The following ARHGAP28 variants were observed in gnomAD, a reference collection of about 807,000 sequenced individuals.
ARHGAP28 encodes Rho GTPase activating protein 28.
In ARHGAP28, 56 loss-of-function variants were observed where a neutral mutation model predicts 90.7. That is an observed-to-expected ratio of 0.62 (90% CI 0.50 to 0.77). The LOEUF (loss-of-function observed/expected upper bound fraction) is 0.77, where lower values mean the gene tolerates loss of function less well. Ranked by LOEUF, ARHGAP28 falls within the 30% of genes least tolerant of loss-of-function variation. The pLI is 0.00. For synonymous variants in ARHGAP28, 308 were observed against 323.3 expected (o/e 0.95, Z 0.51); for missense variants, 869 against 900.9 (o/e 0.96, Z 0.45).
intron 1 of ARHGAP28, among the ~76,000 whole-genome samples, chr18:6,777,793 C>G (rs1383459697): frequency 2.0e-5 from 3 of 152,050 alleles, no homozygotes; most frequent in Non-Finnish European, 4.4e-5. Flanking sequence ...GAACCCTCAG[C>G]CTGTAAGTGA....
At chr18:6,905,530 C>A (rs1249933671) in intron 16 of ARHGAP28, among the ~76,000 whole-genome samples, 8 of 152,044 alleles carry the variant, frequency 5.3e-5, no homozygotes, top group Admixed American at 2.0e-4. Context: ...ATTCAACATA[C>A]TACTGGAATA....
chr18:6,771,853 A>C (rs1488847247), intron 1 of ARHGAP28, among the ~76,000 whole-genome samples: 1 of 152,236 alleles, frequency 6.6e-6, no homozygotes, highest in Non-Finnish European at 1.5e-5. Flanking sequence ...ATAAAAGGTT[A>C]GGACTGTTGT....
chr18:6,907,837 A>T (rs914022603), intron 16 of ARHGAP28, among the ~76,000 whole-genome samples: 1 of 152,158 alleles, frequency 6.6e-6, no homozygotes, highest in Non-Finnish European at 1.5e-5. Context: ...ATGCACCTGT[A>T]TTACTTCTTA....
chr18:6,771,892 A>G (rs2056245941), intron 1 of ARHGAP28, among the ~76,000 whole-genome samples: 1 of 152,242 alleles, frequency 6.6e-6, no homozygotes. Flanking sequence ...GACTAGCTGG[A>G]AGAGAGGAAA....
In ARHGAP28 at chr18:6,824,926, A is replaced by T; in HGVS notation, c.287A>T (p.Gln96Leu). Reference protein sequence around the residue: ...ESIKDSSMGGQEEPPPAEVTP... With the variant: ...ESIKDSSMGGLEEPPPAEVTP... Reference sequence around the variant, plus strand: ...ATTAAAGACAGCAGCATGGGAGGGCAAGAAGAGCCACCGCCAGCTGAGGTC... The same window carrying T: ...ATTAAAGACAGCAGCATGGGAGGGCTAGAAGAGCCACCGCCAGCTGAGGTC... The change falls in exon 2 of 18, where the codon CAA becomes CTA. Residue 96 changes from glutamine (Q) to leucine (L), a missense_variant. Gln to Leu is a moderately radical substitution (Grantham distance 113). Coordinates refer to ENST00000383472, the MANE Select transcript of ARHGAP28 (RefSeq NM_001366230.1). 1 of 1,535,858 alleles carries T rather than the reference A, an allele frequency of 6.5e-7. No individual in the cohort carries two copies. Among genetic ancestry groups the T allele is most frequent in the East Asian group, 2.4e-5 (1 of 40,900 alleles).
Position 6,876,151 on chromosome 18 carries a change from A to G in ARHGAP28, c.1233A>G (p.Glu411=). The G allele has an allele frequency of 6.2e-7, 1 of 1,614,036 alleles. No homozygotes were observed. ...VLQKFFEKVE[E]SGLESEGIFR... ...TCTAGTTTTTTGAGAAAGTTGAGGA[A>G]TCAGGTCTGGAATCTGAAGGAATTT... is the stretch of plus-strand genomic sequence containing the variant. Residue 411 remains glutamate (E), a synonymous_variant, in exon 10 of 18, where the codon GAA becomes GAG. Transcript: ENST00000383472.
At chr18:6,886,130 C>A in intron 11 of ARHGAP28, among the ~76,000 whole-genome samples, 1 of 152,132 alleles carries the variant, frequency 6.6e-6, no homozygotes, top group East Asian at 1.9e-4. Context: ...GCTCCAGTAA[C>A]CTACTAGCTT....
chr18:6,827,956 G>C (rs1478281917), intron 2 of ARHGAP28, among the ~76,000 whole-genome samples: 82 of 151,926 alleles, frequency 5.4e-4, no homozygotes, highest in African/African-American at 1.9e-3. Flanking sequence ...GGTGGCGGCC[G>C]GGCAGAGGCT....
intron 3 of ARHGAP28, among the ~76,000 whole-genome samples, chr18:6,840,234 TCTTG>T (rs2056795473): frequency 1.3e-5 from 2 of 152,332 alleles, no homozygotes; most frequent in Non-Finnish European, 1.5e-5. Flanking sequence ...TCCGGGATCA[TCTTG>T]AGAGGGTCCT....
intron 1 of ARHGAP28, chr18:6,790,393 C>T (rs2056398470): frequency 6.6e-6 from 1 of 152,010 alleles, no homozygotes. Context: ...AACACTTGCC[C>T]TAGGAGAATA....
Position 6,870,588 on chromosome 18 carries a change from A to G in ARHGAP28, c.812-2A>G, listed in dbSNP as rs749235830. The G allele has an allele frequency of 6.8e-6, 11 of 1,607,198 alleles. No homozygotes were observed. Among genetic ancestry groups the G allele is most frequent in the Non-Finnish European group, 9.4e-6 (11 of 1,175,806 alleles). ...AGTCTGTATTCTTTGTTTTGTCTTT[A>G]GATGATGATTTTCTGGAAAAGAACA... On this transcript the variant is annotated splice_acceptor_variant, in intron 6 of 17. Transcript: ENST00000383472. LOFTEE classifies it high-confidence loss of function.
chr18:6,802,427 C>T (rs1370017120), intron 1 of ARHGAP28, among the ~76,000 whole-genome samples: 1 of 139,934 alleles, frequency 7.1e-6, no homozygotes, highest in Non-Finnish European at 1.5e-5. Flanking sequence ...CTCACTGCAA[C>T]CTCTGCCTCC....
chr18:6,747,892 T>G (rs571100625), intron 1 of ARHGAP28, among the ~76,000 whole-genome samples: 1 of 152,212 alleles, frequency 6.6e-6, no homozygotes, highest in South Asian at 2.1e-4. Flanking sequence ...ATGATCCAGC[T>G]GGGTATCCAG....
chr18:6,801,779 CCTT>C (rs2056483927), intron 1 of ARHGAP28, among the ~76,000 whole-genome samples: 1 of 151,880 alleles, frequency 6.6e-6, no homozygotes, highest in East Asian at 1.9e-4. Context: ...CAAATTATTC[CCTT>C]CTTAGCTATA....
chr18:6,909,385 C>T (rs1014882812), intron 17 of ARHGAP28, among the ~76,000 whole-genome samples: 2 of 151,220 alleles, frequency 1.3e-5, no homozygotes, highest in Non-Finnish European at 2.9e-5. Flanking sequence ...CTCCGCCTCC[C>T]GGGTTCAAGT....
intron 10 of ARHGAP28, among the ~76,000 whole-genome samples, chr18:6,881,230 C>T (rs945067666): frequency 6.6e-6 from 1 of 152,176 alleles, no homozygotes; most frequent in South Asian, 2.1e-4. Flanking sequence ...TCTGGCTGTG[C>T]GTGCTCAAGG....
In ARHGAP28 at chr18:6,837,499, A is replaced by G. The variant is rs989434946; in HGVS notation, c.543+85A>G. 12 of 998,392 alleles carry G rather than the reference A, an allele frequency of 1.2e-5. No homozygotes were observed. The African/African-American group carries it at 2.0e-4, about 16-fold the overall frequency. 61.8% of individuals were successfully genotyped at this position (998,392 alleles called of 1,614,324 possible). A position where few individuals can be genotyped will look rare whatever the true frequency, so the allele number is the denominator to read the frequency against. ...GTGGGGCTGGGGTGGAAAAAATATC[A>G]GAAATGTCTGCTTGGGTGGTTCCAT... On this transcript the variant is annotated intron_variant, in intron 3 of 17. Transcript: ENST00000383472.
chr18:6,841,223 C>CTA (rs2056824247), intron 3 of ARHGAP28, among the ~76,000 whole-genome samples: 1 of 131,074 alleles, frequency 7.6e-6, no homozygotes, highest in Admixed American at 7.8e-5. Flanking sequence ...CTCTCTCTCT[C>CTA]CCCCCAACCC....
chr18:6,849,894 C>G (rs1303129536), intron 3 of ARHGAP28, among the ~76,000 whole-genome samples: 1 of 152,048 alleles, frequency 6.6e-6, no homozygotes, highest in Admixed American at 6.6e-5. Flanking sequence ...GAATTCTGAA[C>G]AGTCTCTTCC....
Sources: allele counts gnomAD v4.1 joint callset (sites outside exome capture counted in the v4.1 genomes callset), GRCh38; gene constraint gnomAD v4.1.1; transcripts MANE v1.5; gene names NCBI Gene and HGNC (gene_info 2026-07-23, HGNC 2026-07-21).